ANO5: variants seen among roughly 807,000 people sequenced by gnomAD.
ANO5 encodes anoctamin 5, also known as anoctamin-5.
In ANO5, 109 loss-of-function variants were observed where a neutral mutation model predicts 121.0. That is an observed-to-expected ratio of 0.90 (90% CI 0.77 to 1.06). The LOEUF is 1.06. ANO5 is among the 50% of genes least tolerant of loss of function. The pLI, the probability that ANO5 is intolerant of heterozygous loss-of-function variation, is 0.00. For synonymous variants in ANO5, 406 were observed against 359.9 expected (o/e 1.13, Z -1.45); for missense variants, 1,064 against 1,078.5 (o/e 0.99, Z 0.19).
At chr11:22,278,530 C>CT (rs552412650) in intron 21 of ANO5, among the ~76,000 whole-genome samples, 3,930 of 134,654 alleles carry the variant, frequency 0.029, 108 homozygotes, top group African/African-American at 0.077. Context: ...GGTTCTTTTC[C>CT]TTTTTTTTTT....
chr11:22,221,736 A>C (rs1255408689), intron 5 of ANO5, among the ~76,000 whole-genome samples: 1 of 151,934 alleles, frequency 6.6e-6, no homozygotes, highest in African/African-American at 2.4e-5. Context: ...TATGTACCCA[A>C]ATCCTAGAAC....
chr11:22,207,383 T>C (rs895649802), intron 2 of ANO5, among the ~76,000 whole-genome samples: 7 of 152,042 alleles, frequency 4.6e-5, no homozygotes, highest in Admixed American at 2.6e-4. Context: ...ATCCCAGAAA[T>C]AGCCTCACAC....
At chr11:22,206,350 T>C (rs1852121626) in intron 2 of ANO5, among the ~76,000 whole-genome samples, 2 of 152,102 alleles carry the variant, frequency 1.3e-5, no homozygotes, top group African/African-American at 4.8e-5. Context: ...AGAGTCTTGC[T>C]CTGTCACCCA....
At position 22,272,319 on chromosome 11, in the gene ANO5, C is replaced by A. The variant is rs1478281347; in HGVS notation, c.2030-465C>A. 4.0e-5 allele frequency among the ~76,000 whole-genome samples: 6 copies of A among 148,424 alleles called. No individual in the cohort carries two copies. The East Asian group carries it at 1.2e-3, about 29-fold the overall frequency. Reference sequence around the variant, plus strand: ...CTTTTCCGGCACACACACACACACACACACACACACACACACACACACACA... The same window carrying A: ...CTTTTCCGGCACACACACACACACAAACACACACACACACACACACACACA... On this transcript the variant is annotated intron_variant, in intron 18 of 21. Coordinates refer to ENST00000324559, the MANE Select transcript of ANO5 (RefSeq NM_213599.3).
intron 11 of ANO5, 29 bp from the exon 12 acceptor site, chr11:22,250,922 T>C (rs1853794288): frequency 6.2e-7 from 1 of 1,609,002 alleles, no homozygotes; most frequent in Admixed American, 1.7e-5. Flanking sequence ...TAAATTATCT[T>C]TGTGATATTG....
chr11:22,270,344 C>T lies in ANO5; in HGVS notation c.1931C>T (p.Ala644Val), dbSNP rs1854561697. The T allele has an allele frequency of 6.2e-7, 1 of 1,614,012 alleles. No homozygotes were observed. The highest frequency in any genetic ancestry group is 1.3e-5 in the African/African-American group (1 of 74,920). The stretch of plus-strand genomic sequence containing the variant: ...TTGAATTGGTGGAGACGCCGAAAAG[C>T]TCGGACAAACTCTGAGAAGCTGTAT... The part of the protein sequence containing the change: ...LALNWWRRRK[A>V]RTNSEKLYSR... The change falls in exon 18 of 22, where the codon GCT becomes GTT. Residue 644 changes from alanine (A) to valine (V), a missense_variant. Ala to Val is a moderately conservative substitution (Grantham distance 64). Coordinates refer to ENST00000324559, the MANE Select transcript of ANO5 (RefSeq NM_213599.3).
chr11:22,270,343 G>C lies in ANO5; in HGVS notation c.1930G>C (p.Ala644Pro), dbSNP rs1302354806. ...LALNWWRRRK[A>P]RTNSEKLYSR... ...TTTGAATTGGTGGAGACGCCGAAAA[G>C]CTCGGACAAACTCTGAGAAGCTGTA... Residue 644 changes from alanine to proline, a missense_variant, in exon 18 of 22, where the codon GCT (alanine) becomes CCT (proline). Transcript: ENST00000324559. 3.1e-6 allele frequency: 5 copies of C among 1,614,010 alleles called. No individual in the cohort carries two copies. The highest frequency in any genetic ancestry group is 2.2e-5 in the East Asian group (1 of 44,878).
rs148611587 is a variant in ANO5 at position 22,250,513 on chromosome 11, AC to A, written c.1013+143del. The A allele has an allele frequency of 4.4e-3, 5,469 of 1,251,952 alleles. 204 individuals are homozygous for A. In the African/African-American group the frequency reaches 0.073, roughly 17 times the overall value. 77.6% of individuals were successfully genotyped at this position (1,251,952 alleles called of 1,614,324 possible). A position where few individuals can be genotyped will look rare whatever the true frequency, so the allele number is the denominator to read the frequency against. On this transcript the variant is annotated intron_variant, in intron 10 of 21. Transcript: ENST00000324559. The stretch of plus-strand genomic sequence containing the variant: ...TCGATATTTTCCAAAAACTACTCAA[AC>A]ATAACAGTTGCCTCTCACCTGGTGC...
At chr11:22,244,974 T>G (rs140442542) in intron 9 of ANO5, among the ~76,000 whole-genome samples, 147 of 152,288 alleles carry the variant, frequency 9.7e-4, no homozygotes, top group African/African-American at 3.5e-3. Context: ...GCACTGAATC[T>G]TTCTTGCCTG....
chr11:22,238,428 T>C (rs1191240442), intron 8 of ANO5, among the ~76,000 whole-genome samples: 3 of 152,120 alleles, frequency 2.0e-5, no homozygotes, highest in Non-Finnish European at 4.4e-5. Context: ...AGTAGAGTCA[T>C]ATAGGCTCAT....
chr11:22,236,126 T>C (rs747373119), intron 7 of ANO5, 37 bp from the exon 8 acceptor site: 1 of 1,338,738 alleles, frequency 7.5e-7, no homozygotes, highest in Non-Finnish European at 1.1e-6. Context: ...CATAAAGTTC[T>C]GAGATGTGAT....
intron 21 of ANO5, 34 bp from the exon 22 acceptor site, chr11:22,279,510 A>C (rs1854993155): frequency 6.4e-7 from 1 of 1,558,002 alleles, no homozygotes; most frequent in African/African-American, 1.4e-5. Context: ...GACACCTCTA[A>C]CAGCGTCTAA....
chr11:22,234,934 C>T (rs934438427), intron 7 of ANO5, among the ~76,000 whole-genome samples: 3 of 151,992 alleles, frequency 2.0e-5, no homozygotes, highest in Non-Finnish European at 4.4e-5. Flanking sequence ...ACTGACCTAC[C>T]CTCAACTTGA....
rs953406435 is a variant in ANO5 at position 22,203,910 on chromosome 11, G to T, written c.87+60G>T. On this transcript the variant is annotated intron_variant, in intron 2 of 21. Coordinates refer to ENST00000324559, the MANE Select transcript of ANO5 (RefSeq NM_213599.3). ...AGTCAGAATAAAAAATCAAGATAAG[G>T]TTAACTAAGCCTTTGTACTTATTTA... 3.5e-6 allele frequency: 4 copies of T among 1,151,642 alleles called. No individual in the cohort carries two copies. The African/African-American group carries it at 4.6e-5, about 13-fold the overall frequency. 71.3% of individuals were successfully genotyped at this position (1,151,642 alleles called of 1,614,324 possible). A position where few individuals can be genotyped will look rare whatever the true frequency, so the allele number is the denominator to read the frequency against.
rs1855051698 is a variant in ANO5 at position 22,280,892 on chromosome 11, A to T, written c.*1127A>T. The T allele has an allele frequency of 6.6e-6, 1 of 151,980 alleles. No homozygotes were observed. The highest frequency in any genetic ancestry group is 2.4e-5 in the African/African-American group (1 of 41,444). 9.4% of individuals were successfully genotyped at this position (151,980 alleles called of 1,614,324 possible). A position where few individuals can be genotyped will look rare whatever the true frequency, so the allele number is the denominator to read the frequency against. ...CTTAAATGTAAGCTTGTCTTAATGA[A>T]ATTGTCAGTGTAATAACAACTACAG... On this transcript the variant is annotated 3_prime_UTR_variant, in exon 22 of 22. Coordinates refer to ENST00000324559, the MANE Select transcript of ANO5 (RefSeq NM_213599.3).
chr11:22,231,024 C>A (rs1853022566), intron 7 of ANO5, among the ~76,000 whole-genome samples: 1 of 152,076 alleles, frequency 6.6e-6, no homozygotes, highest in South Asian at 2.1e-4. Flanking sequence ...TTTGTAAAAT[C>A]AACTCTGATA....
At chr11:22,274,368 G>GAA (rs1348788374) in intron 19 of ANO5, among the ~76,000 whole-genome samples, 1 of 152,094 alleles carries the variant, frequency 6.6e-6, no homozygotes, top group African/African-American at 2.4e-5. Context: ...TTGTAGCTAT[G>GAA]AAATCTTGGA....
chr11:22,257,453 G>C (rs1854039559), intron 13 of ANO5, among the ~76,000 whole-genome samples: 1 of 152,070 alleles, frequency 6.6e-6, no homozygotes, highest in South Asian at 2.1e-4. Flanking sequence ...AGGAAATTGT[G>C]TGTATCCATT....
chr11:22,277,295 G>GGAA (rs1414137115), intron 21 of ANO5, among the ~76,000 whole-genome samples: 1 of 151,410 alleles, frequency 6.6e-6, no homozygotes, highest in East Asian at 1.9e-4. Flanking sequence ...TCAGAAAACA[G>GGAA]GAAGTATTTT....
Sources: allele counts gnomAD v4.1 joint callset (sites outside exome capture counted in the v4.1 genomes callset), GRCh38; gene constraint gnomAD v4.1.1; transcripts MANE v1.5; gene names NCBI Gene and HGNC (gene_info 2026-07-23, HGNC 2026-07-21).